GRIA1: variants seen among roughly 807,000 people sequenced by gnomAD.
GRIA1 encodes glutamate ionotropic receptor AMPA type subunit 1.
A neutral mutation model predicts 99.2 loss-of-function variants in GRIA1; 31 were observed. The observed-to-expected ratio is 0.31, with a 90% CI of 0.23 to 0.42. The LOEUF (loss-of-function observed/expected upper bound fraction) is 0.42, where lower values mean the gene tolerates loss of function less well. Ranked by LOEUF, GRIA1 falls within the 10% of genes least tolerant of loss-of-function variation. The probability of loss-of-function intolerance (pLI) is 1.00; values close to 1 mark genes in which losing one functional copy is unlikely to be tolerated. For synonymous variants in GRIA1, 438 were observed against 432.4 expected (o/e 1.01, Z -0.16); for missense variants, 782 against 1,157.5 (o/e 0.68, Z 4.71).
intron 2 of GRIA1, among the ~76,000 whole-genome samples, chr5:153,538,770 T>C (rs568181129): frequency 2.0e-5 from 3 of 152,314 alleles, no homozygotes; most frequent in African/African-American, 7.2e-5. Flanking sequence ...TACCAATTGA[T>C]TTAGAGGCCA....
intron 14 of GRIA1, among the ~76,000 whole-genome samples, chr5:153,798,189 G>A (rs866466659): frequency 6.6e-6 from 1 of 152,266 alleles, no homozygotes. Flanking sequence ...GCTCTCCTTT[G>A]GTTGAACCAA....
chr5:153,613,877 G>A (rs1766227281), intron 2 of GRIA1, among the ~76,000 whole-genome samples: 1 of 152,166 alleles, frequency 6.6e-6, no homozygotes, highest in East Asian at 1.9e-4. Flanking sequence ...AAACATTCCA[G>A]TGCCACGTCC....
intron 2 of GRIA1, among the ~76,000 whole-genome samples, chr5:153,597,083 G>A (rs1052534373): frequency 6.6e-6 from 1 of 152,202 alleles, no homozygotes. Flanking sequence ...CACCAGGAAA[G>A]CTTCTTTAAG....
intron 2 of GRIA1, among the ~76,000 whole-genome samples, chr5:153,646,545 G>A (rs962089705): frequency 6.6e-6 from 1 of 152,118 alleles, no homozygotes; most frequent in Non-Finnish European, 1.5e-5. Flanking sequence ...TCCCTTTCTA[G>A]CCTCAATAGG....
chr5:153,617,606 C>T (rs1210161938), intron 2 of GRIA1, among the ~76,000 whole-genome samples: 1 of 152,254 alleles, frequency 6.6e-6, no homozygotes, highest in East Asian at 1.9e-4. Flanking sequence ...TATACAGAAT[C>T]TTTTCATTGA....
At chr5:153,609,480 C>T (rs1765769647) in intron 2 of GRIA1, among the ~76,000 whole-genome samples, 1 of 151,916 alleles carries the variant, frequency 6.6e-6, no homozygotes, top group African/African-American at 2.4e-5. Flanking sequence ...AATACATTCT[C>T]CCACAATGTC....
chr5:153,773,214 A>G (rs1281046316), intron 13 of GRIA1, among the ~76,000 whole-genome samples: 1 of 152,204 alleles, frequency 6.6e-6, no homozygotes, highest in Non-Finnish European at 1.5e-5. Context: ...AGATGAGGAA[A>G]CAGAGTAAGA....
intron 8 of GRIA1, among the ~76,000 whole-genome samples, chr5:153,690,151 T>C (rs953726126): frequency 6.6e-6 from 1 of 152,114 alleles, no homozygotes; most frequent in African/African-American, 2.4e-5. Flanking sequence ...TGCACCTTCT[T>C]GAATCCTCCT....
At chr5:153,686,453 G>T (rs560397696) in intron 8 of GRIA1, 124 bp downstream of exon 8, 1 of 641,254 alleles carries the variant, frequency 1.6e-6, no homozygotes, top group Non-Finnish European at 2.7e-6. Flanking sequence ...AGACAACACA[G>T]ATTCTAGACT....
chr5:153,738,737 T>TTTTTTTTTTTTTTTG (rs1761565717), intron 11 of GRIA1, among the ~76,000 whole-genome samples: 1 of 149,658 alleles, frequency 6.7e-6, no homozygotes, highest in Non-Finnish European at 1.5e-5. Context: ...TTTTTTTTTT[T>TTTTTTTTTTTTTTTG]TGGAGAAGGC....
chr5:153,805,898 T>C (rs1189909721), intron 15 of GRIA1, among the ~76,000 whole-genome samples: 1 of 152,196 alleles, frequency 6.6e-6, no homozygotes, highest in Non-Finnish European at 1.5e-5. Context: ...ATTCCGTTGA[T>C]TGGTGTGACT....
intron 2 of GRIA1, among the ~76,000 whole-genome samples, chr5:153,497,181 T>C (rs1754524294): frequency 6.6e-6 from 1 of 152,180 alleles, no homozygotes; most frequent in Non-Finnish European, 1.5e-5. Flanking sequence ...AGTAAAGCCA[T>C]TGAATCAGCA....
chr5:153,665,279 C>T (rs1374335700), intron 5 of GRIA1, among the ~76,000 whole-genome samples: 1 of 152,224 alleles, frequency 6.6e-6, no homozygotes, highest in Non-Finnish European at 1.5e-5. Context: ...AATGCTTTGT[C>T]AATACTGGAT....
chr5:153,698,934 A>G lies in GRIA1; in HGVS notation c.1313A>G (p.Tyr438Cys). The change falls in exon 10 of 16, where the codon TAC (tyrosine) becomes TGC (cysteine). Residue 438 changes from tyrosine to cysteine, a missense_variant. By Grantham distance (194) the Tyr-to-Cys change is radical (BLOSUM62 -2). Around this residue, in one of 5 missense-constraint regions of GRIA1, gnomAD observed 87 missense variants for 184.5 expected, o/e 0.47. Coordinates refer to ENST00000285900, the MANE Select transcript of GRIA1 (RefSeq NM_000827.4). ...QFEGNDRYEGYCVELAAEIAK... is the reference protein window; with the variant it reads ...QFEGNDRYEGCCVELAAEIAK... The stretch of plus-strand genomic sequence containing the variant: ...GAGGGCAATGACCGTTACGAGGGCT[A>G]CTGTGTAGAGCTGGCGGCAGAGATT... 6.2e-7 allele frequency: 1 copy of G among 1,613,666 alleles called. No individual in the cohort carries two copies. The highest frequency in any genetic ancestry group is 8.5e-7 in the Non-Finnish European group (1 of 1,179,562).
intron 2 of GRIA1, among the ~76,000 whole-genome samples, chr5:153,580,119 T>G (rs1552836): frequency 0.11 from 16,062 of 152,222 alleles, 943 homozygotes; most frequent in South Asian, 0.25. Flanking sequence ...TAACCTCATA[T>G]GTAGCTGGTG....
chr5:153,640,290 G>T (rs1182095519), intron 2 of GRIA1, among the ~76,000 whole-genome samples: 3 of 152,196 alleles, frequency 2.0e-5, no homozygotes, highest in Admixed American at 6.5e-5. Context: ...ATCTCCTTTT[G>T]CAGCCATCTT....
intron 11 of GRIA1, among the ~76,000 whole-genome samples, chr5:153,739,490 T>G (rs964769180): frequency 6.6e-6 from 1 of 152,210 alleles, no homozygotes; most frequent in African/African-American, 2.4e-5. Context: ...CAAAGCTGAC[T>G]CAATGTTGAC....
intron 11 of GRIA1, among the ~76,000 whole-genome samples, chr5:153,738,420 A>G (rs1193605703): frequency 4.6e-5 from 7 of 152,190 alleles, no homozygotes; most frequent in Non-Finnish European, 7.3e-5. Flanking sequence ...GCCAAGCTTC[A>G]GTTTCCCCAT....
intron 2 of GRIA1, among the ~76,000 whole-genome samples, chr5:153,503,221 C>G (rs1755174365): frequency 1.3e-5 from 2 of 152,054 alleles, no homozygotes; most frequent in South Asian, 4.1e-4. Context: ...GAACTATAAA[C>G]CCAGTAGAAC....
Sources: gnomAD v4.1 joint callset for allele counts (sites outside exome capture counted in the v4.1 genomes callset) on GRCh38, gnomAD v4.1.1 for gene constraint, gnomAD v4.1.1 regional missense constraint, MANE v1.5 for transcripts, NCBI Gene and HGNC (gene_info 2026-07-23, HGNC 2026-07-21) for gene names.